Variants in CA8 observed in about 807,000 individuals in gnomAD.
CA8 encodes carbonic anhydrase 8 (inactive).
A neutral mutation model predicts 41.4 loss-of-function variants in CA8; 22 were observed. The ratio of observed to expected loss-of-function variants is 0.53; its 90% confidence interval spans 0.38 to 0.76. The LOEUF is 0.76. Ranked by LOEUF, CA8 falls within the 30% of genes least tolerant of loss-of-function variation. The pLI, the probability that CA8 is intolerant of heterozygous loss-of-function variation, is 0.00. For missense variants in CA8, 270 were observed against 352.8 expected (o/e 0.77, Z 1.88); for synonymous variants, 121 against 130.6 (o/e 0.93, Z 0.50).
intron 1 of CA8, among the ~76,000 whole-genome samples, chr8:60,280,461 G>T (rs1255498099): frequency 6.6e-6 from 1 of 151,974 alleles, no homozygotes; most frequent in Non-Finnish European, 1.5e-5. Flanking sequence ...ACTACTGGTT[G>T]GCTCTAATAG....
At chr8:60,230,556 C>T (rs756577094) in intron 4 of CA8, among the ~76,000 whole-genome samples, 1 of 152,002 alleles carries the variant, frequency 6.6e-6, no homozygotes, top group Admixed American at 6.6e-5. Flanking sequence ...CCCGACCCCC[C>T]CGATGGATTT....
chr8:60,266,009 T>C lies in CA8; in HGVS notation c.333A>G (p.Glu111=). The part of the protein sequence containing the change: ...GGPLPQGHEF[E]LYEVRFHWGR... ...CCCAGTGAAATCTCACTTCGTACAG[T>C]TCAAATTCATGCCCTTGAGGCAATG... Residue 111 remains glutamate, a synonymous_variant, in exon 3 of 9, where the codon GAA becomes GAG. Transcript: ENST00000317995. 1 of 1,613,836 alleles carries C rather than the reference T, an allele frequency of 6.2e-7. No homozygotes were observed. Among genetic ancestry groups the C allele is most frequent in the Non-Finnish European group, 8.5e-7 (1 of 1,179,730 alleles).
At chr8:60,255,168 T>C (rs2130561405) in intron 3 of CA8, among the ~76,000 whole-genome samples, 1 of 152,250 alleles carries the variant, frequency 6.6e-6, no homozygotes, top group South Asian at 2.1e-4. Context: ...CCTCCTCCTG[T>C]ATTCTGTTTC....
intron 8 of CA8, among the ~76,000 whole-genome samples, chr8:60,207,360 G>A (rs775946050): frequency 1.3e-5 from 2 of 152,212 alleles, no homozygotes; most frequent in African/African-American, 2.4e-5. Context: ...CACCCAATAC[G>A]TCCCTATTTC....
At chr8:60,278,154 G>A (rs1804300146) in intron 2 of CA8, among the ~76,000 whole-genome samples, 1 of 152,128 alleles carries the variant, frequency 6.6e-6, no homozygotes, top group African/African-American at 2.4e-5. Flanking sequence ...AGAAGAAAAT[G>A]GTAAGTTCAA....
chr8:60,255,369 G>T (rs1201871424), intron 3 of CA8, among the ~76,000 whole-genome samples: 1 of 151,526 alleles, frequency 6.6e-6, no homozygotes, highest in Non-Finnish European at 1.5e-5. Flanking sequence ...TCCATCTGAT[G>T]ACTCTAAGAG....
At chr8:60,232,684 A>T in intron 3 of CA8, 1 of 406,896 alleles carries the variant, frequency 2.5e-6, no homozygotes, top group Non-Finnish European at 4.6e-6. Context: ...CTTGGATGTC[A>T]TCCTTTTGAA....
At chr8:60,259,996 T>C (rs1052414665) in intron 3 of CA8, among the ~76,000 whole-genome samples, 2 of 152,228 alleles carry the variant, frequency 1.3e-5, no homozygotes, top group Admixed American at 1.3e-4. Flanking sequence ...TCATTTCCTT[T>C]AGTGTCAGTC....
chr8:60,221,281 CTTAT>C (rs1314403458), intron 7 of CA8, among the ~76,000 whole-genome samples: 2 of 152,194 alleles, frequency 1.3e-5, no homozygotes, highest in Non-Finnish European at 2.9e-5. Context: ...GAGCACCTTA[CTTAT>C]TATCATGTTA....
intron 3 of CA8, among the ~76,000 whole-genome samples, chr8:60,260,851 C>A (rs879315033): frequency 2.0e-5 from 3 of 152,176 alleles, no homozygotes; most frequent in Non-Finnish European, 4.4e-5. Flanking sequence ...GTTCAACAAA[C>A]ATGAAGTGCT....
In CA8 at chr8:60,191,466, G is replaced by GA. The variant is rs375765698; in HGVS notation, c.*36-1482dup. 3.3e-5 allele frequency among the ~76,000 whole-genome samples: 5 copies of GA among 152,106 alleles called. No individual in the cohort carries two copies. The East Asian group carries it at 7.7e-4, about 24-fold the overall frequency. Reference sequence around the variant, plus strand: ...TTCCATAAAAAACAACAACCTGGTTGAAAAAACGAATCCATGTTAAAAAAT... The same window carrying GA: ...TTCCATAAAAAACAACAACCTGGTTGAAAAAAACGAATCCATGTTAAAAAAT... On this transcript the variant is annotated intron_variant, in intron 8 of 8. Coordinates refer to ENST00000317995, the MANE Select transcript of CA8 (RefSeq NM_004056.6).
intron 5 of CA8, among the ~76,000 whole-genome samples, chr8:60,225,453 A>G (rs1807400164): frequency 6.6e-6 from 1 of 152,212 alleles, no homozygotes; most frequent in African/African-American, 2.4e-5. Flanking sequence ...ATGATGAAAT[A>G]AAGGAAATTT....
intron 3 of CA8, among the ~76,000 whole-genome samples, chr8:60,234,705 A>G (rs1034326436): frequency 1.3e-5 from 2 of 152,146 alleles, no homozygotes; most frequent in African/African-American, 4.8e-5. Context: ...TCTCCCACGC[A>G]TCCTTCACTC....
intron 3 of CA8, among the ~76,000 whole-genome samples, chr8:60,246,656 C>G (rs1428567764): frequency 6.6e-6 from 1 of 152,022 alleles, no homozygotes; most frequent in Non-Finnish European, 1.5e-5. Context: ...TGTATATGTA[C>G]TTACTGAGAA....
chr8:60,230,019 C>A (rs943568238), intron 4 of CA8, among the ~76,000 whole-genome samples: 13 of 152,194 alleles, frequency 8.5e-5, no homozygotes, highest in Non-Finnish European at 1.5e-4. Flanking sequence ...TCAGTGACTG[C>A]CAAATATATT....
chr8:60,240,002 T>G (rs1418137590), intron 3 of CA8, among the ~76,000 whole-genome samples: 1 of 152,134 alleles, frequency 6.6e-6, no homozygotes, highest in Non-Finnish European at 1.5e-5. Flanking sequence ...ATCAGCAGCA[T>G]GAAAACAGAC....
Position 60,232,298 on chromosome 8 carries a change from C to T in CA8, c.499G>A (p.Ala167Thr), listed in dbSNP as rs1272430123. The change falls in exon 4 of 9, where the codon GCT becomes ACT. Residue 167 changes from alanine (A) to threonine (T), a missense_variant. Physicochemically the swap from Ala to Thr is moderately conservative, Grantham distance 58. Around this residue, in one of 3 missense-constraint regions of CA8, gnomAD observed 141 missense variants for 191.6 expected, o/e 0.74. Transcript: ENST00000317995. ...AGACCGTTTACCTGAACAAACAGAG[C>T]AATGATGGCGATTCCGTGCGGCTTC... ...VGKPHGIAII[A>T]LFVQIGKEHV... 2 of 1,612,512 alleles carry T rather than the reference C, an allele frequency of 1.2e-6. No individual in the cohort carries two copies. Among genetic ancestry groups the T allele is most frequent in the Admixed American group, 3.3e-5 (2 of 60,014 alleles).
intron 3 of CA8, among the ~76,000 whole-genome samples, chr8:60,241,757 A>AC (rs1374607352): frequency 2.0e-5 from 3 of 152,222 alleles, no homozygotes. Flanking sequence ...CTAAAAAAAA[A>AC]AAACCTGAAT....
rs150991441 is a variant in CA8 at position 60,236,570 on chromosome 8, C to T, written c.418-4191G>A. Among the ~76,000 whole-genome samples, 484 of 152,230 alleles carry T rather than the reference C, an allele frequency of 3.2e-3. 3 individuals carry two copies. The highest frequency in any genetic ancestry group is 0.011 in the African/African-American group (447 of 41,538). On this transcript the variant is annotated intron_variant, in intron 3 of 8. Coordinates refer to ENST00000317995, the MANE Select transcript of CA8 (RefSeq NM_004056.6). Reference sequence around the variant, plus strand: ...TGGGAATAAAGAAAAATGAACCTAACAATTAAAGTGACAAAATTTGGGATT... The same window carrying T: ...TGGGAATAAAGAAAAATGAACCTAATAATTAAAGTGACAAAATTTGGGATT...
Sources: gnomAD v4.1 joint callset for allele counts (sites outside exome capture counted in the v4.1 genomes callset) on GRCh38, gnomAD v4.1.1 for gene constraint, gnomAD v4.1.1 regional missense constraint, MANE v1.5 for transcripts, NCBI Gene and HGNC (gene_info 2026-07-23, HGNC 2026-07-21) for gene names.